The following ADGRL2 variants were observed in gnomAD, a reference collection of about 807,000 sequenced individuals.
ADGRL2 encodes the protein adhesion G protein-coupled receptor L2, also known as calcium-independent alpha-latrotoxin receptor 2.
ADGRL2 carries 44 observed loss-of-function variants against 157.4 expected under a neutral mutation model. The ratio of observed to expected loss-of-function variants is 0.28; its 90% CI spans 0.22 to 0.36. The LOEUF (loss-of-function observed/expected upper bound fraction) is 0.36, where lower values mean the gene tolerates loss of function less well. ADGRL2 is among the 10% of genes least tolerant of loss of function. The pLI, the probability that ADGRL2 is intolerant of heterozygous loss-of-function variation, is 1.00. For synonymous variants in ADGRL2, 585 were observed against 624.7 expected, an observed-to-expected ratio of 0.94 and a Z score of 0.95; for missense variants, 1,510 against 1,768.9, an observed-to-expected ratio of 0.85 and a Z score of 2.63.
At chr1:81,822,166 G>GA (rs957543198) in intron 1 of ADGRL2, among the ~76,000 whole-genome samples, 6 of 147,324 alleles carry the variant, frequency 4.1e-5, no homozygotes, top group African/African-American at 1.2e-4. Context: ...TTTTGGAGGA[G>GA]AAAAAAAAAT....
chr1:81,964,315 A>G (rs886524880), intron 11 of ADGRL2, among the ~76,000 whole-genome samples: 4 of 152,114 alleles, frequency 2.6e-5, no homozygotes, highest in African/African-American at 9.6e-5. Context: ...TTGTTTTAAG[A>G]TATGAAAGCT....
At chr1:81,646,575 C>T (rs1274134640) in intron 3 of ADGRL2, among the ~76,000 whole-genome samples, 1 of 152,120 alleles carries the variant, frequency 6.6e-6, no homozygotes, top group Non-Finnish European at 1.5e-5. Context: ...AGTTCTGCAA[C>T]AAAATTCATT....
chr1:81,764,189 CAAAA>C (rs34716755), intron 2 of ADGRL2, among the ~76,000 whole-genome samples: 6 of 101,492 alleles, frequency 5.9e-5, no homozygotes, highest in Middle Eastern at 5.9e-3. Context: ...GAGACTCTGT[CAAAA>C]AAAAAAAAAA....
chr1:81,781,925 T>C (rs944652120), intron 2 of ADGRL2, among the ~76,000 whole-genome samples: 4 of 152,162 alleles, frequency 2.6e-5, no homozygotes, highest in East Asian at 1.9e-4. Flanking sequence ...TAGAACCAAA[T>C]TGGCACAAAG....
chr1:81,421,379 G>T (rs1402222465), intron 1 of ADGRL2, among the ~76,000 whole-genome samples: 1 of 152,160 alleles, frequency 6.6e-6, no homozygotes, highest in Non-Finnish European at 1.5e-5. Context: ...CTAAGGTAGT[G>T]TTTCAAGACT....
At chr1:81,556,942 G>C (rs1007149756) in intron 2 of ADGRL2, among the ~76,000 whole-genome samples, 1 of 151,576 alleles carries the variant, frequency 6.6e-6, no homozygotes, top group Non-Finnish European at 1.5e-5. Context: ...AGCCAGGCGT[G>C]GTGTCGTATG....
chr1:81,652,374 C>A (rs966602557), intron 3 of ADGRL2, among the ~76,000 whole-genome samples: 36 of 152,080 alleles, frequency 2.4e-4, no homozygotes, highest in Admixed American at 2.4e-3. Context: ...TCCACCAAAT[C>A]ACCCTATGTG....
In ADGRL2 at chr1:81,907,027, A is replaced by G. The variant is rs1557885610; in HGVS notation, c.84A>G (p.Arg28=). The change falls in exon 3 of 24, where the codon AGA becomes AGG. Residue 28 remains arginine, a synonymous_variant. Transcript: ENST00000686636. The part of the protein sequence containing the change: ...SFLPNTEGFS[R]AALPFGLVRR... ...CTTTTTTATTTTAAGGTTTCAGCAG[A>G]GCAGCTTTACCATTTGGGCTGGTGA... is the stretch of plus-strand genomic sequence containing the variant. 1 of 1,613,284 alleles carries G rather than the reference A, an allele frequency of 6.2e-7. No individual in the cohort carries two copies. The highest frequency in any genetic ancestry group is 8.5e-7 in the Non-Finnish European group (1 of 1,179,404).
intron 1 of ADGRL2, among the ~76,000 whole-genome samples, chr1:81,714,671 T>C (rs1374475771): frequency 6.6e-6 from 1 of 152,184 alleles, no homozygotes; most frequent in Non-Finnish European, 1.5e-5. Flanking sequence ...ATGTGGTACT[T>C]ACTATGTGCT....
At chr1:81,710,559 G>T (rs1346436901) in intron 1 of ADGRL2, among the ~76,000 whole-genome samples, 2 of 148,932 alleles carry the variant, frequency 1.3e-5, no homozygotes, top group African/African-American at 5.0e-5. Context: ...AGTGGAGGTT[G>T]TAGTGAGCTG....
chr1:81,501,782 C>A (rs549704956), intron 2 of ADGRL2: 135 of 1,355,748 alleles, frequency 1.0e-4, no homozygotes, highest in Non-Finnish European at 1.3e-4. Context: ...GGAGCCACTT[C>A]AGCAGCAGCA....
At chr1:81,975,360 C>T (rs535327071) in intron 17 of ADGRL2, among the ~76,000 whole-genome samples, 93 of 151,984 alleles carry the variant, frequency 6.1e-4, no homozygotes, top group African/African-American at 2.1e-3. Context: ...TCAACCTATG[C>T]CAAAATATTA....
chr1:81,478,086 T>A (rs576136392), intron 2 of ADGRL2, among the ~76,000 whole-genome samples: 1 of 151,464 alleles, frequency 6.6e-6, no homozygotes, highest in East Asian at 1.9e-4. Flanking sequence ...GTATTGTCTT[T>A]AAAAAAAAAT....
chr1:81,992,273 A>G lies in ADGRL2; in HGVS notation c.*1128A>G, dbSNP rs1286205011. On this transcript the variant is annotated 3_prime_UTR_variant, in exon 24 of 24. Transcript: ENST00000686636. Reference sequence around the variant, plus strand: ...TATTTAGTAATTAATTTATTTTATGATAAAGTTCTAATGAAATGTAAATTG... The same window carrying G: ...TATTTAGTAATTAATTTATTTTATGGTAAAGTTCTAATGAAATGTAAATTG... 1 of 152,610 alleles carries G rather than the reference A, an allele frequency of 6.6e-6. No individual in the cohort carries two copies. Among genetic ancestry groups the G allele is most frequent in the Non-Finnish European group, 1.5e-5 (1 of 68,042 alleles). 9.5% of individuals were successfully genotyped at this position (152,610 alleles called of 1,614,324 possible). A position where few individuals can be genotyped will look rare whatever the true frequency, so the allele number is the denominator to read the frequency against.
chr1:81,836,104 G>A (rs926916818), intron 1 of ADGRL2, among the ~76,000 whole-genome samples: 1 of 151,992 alleles, frequency 6.6e-6, no homozygotes, highest in African/African-American at 2.4e-5. Flanking sequence ...TGACAGCATC[G>A]AAATGATGTA....
At chr1:81,424,769 AG>A (rs2077182158) in intron 1 of ADGRL2, among the ~76,000 whole-genome samples, 1 of 152,154 alleles carries the variant, frequency 6.6e-6, no homozygotes. Context: ...CCAGTGTAAA[AG>A]TCTGCCCAGT....
intron 3 of ADGRL2, among the ~76,000 whole-genome samples, chr1:81,912,154 C>G (rs532956667): frequency 7.2e-5 from 11 of 152,054 alleles, no homozygotes; most frequent in Non-Finnish European, 1.5e-4. Flanking sequence ...TCACTGGAGC[C>G]TCTGCCTCCT....
intron 1 of ADGRL2, among the ~76,000 whole-genome samples, chr1:81,408,371 A>G (rs1157930274): frequency 6.6e-6 from 1 of 152,118 alleles, no homozygotes; most frequent in East Asian, 1.9e-4. Context: ...TCCTTTATTA[A>G]ATGGGTCATT....
chr1:81,372,421 G>C (rs2076175990), intron 1 of ADGRL2, among the ~76,000 whole-genome samples: 1 of 152,172 alleles, frequency 6.6e-6, no homozygotes, highest in Non-Finnish European at 1.5e-5. Context: ...GGAAATATCA[G>C]TGCAGTCAAG....
Sources: allele counts gnomAD v4.1 joint callset (sites outside exome capture counted in the v4.1 genomes callset), GRCh38; gene constraint gnomAD v4.1.1; transcripts MANE v1.5; gene names NCBI Gene and HGNC (gene_info 2026-07-23, HGNC 2026-07-21).